The following LRP1B variants were observed in gnomAD, a reference collection of about 807,000 sequenced individuals.
The protein encoded by LRP1B is low-density lipoprotein receptor-related protein 1B.
Under a neutral mutation model 556.6 loss-of-function variants are expected in LRP1B, and 217 were observed. The observed-to-expected ratio is 0.39, with a 90% CI of 0.35 to 0.44. The LOEUF is 0.44. Among genes scored for constraint, LRP1B ranks in the 20% least tolerant of loss-of-function variants. The pLI, the probability that LRP1B is intolerant of heterozygous loss-of-function variation, is 1.00. For synonymous variants in LRP1B, 2,047 were observed against 1,865.8 expected, an observed-to-expected ratio of 1.10 and a Z score of -2.50; for missense variants, 5,053 against 5,620.8, an observed-to-expected ratio of 0.90 and a Z score of 3.23.
chr2:140,812,069 G>T lies in LRP1B; in HGVS notation c.5359+1588C>A, dbSNP rs993674607. Reference sequence around the variant, plus strand: ...AAATATATAAGTAAAAGGTATAGCAGAAGGACAGTAGTTTAGGAATAAGCT... The same window carrying T: ...AAATATATAAGTAAAAGGTATAGCATAAGGACAGTAGTTTAGGAATAAGCT... On this transcript the variant is annotated intron_variant, in intron 32 of 90. Transcript: ENST00000389484. 5.1e-4 allele frequency among the ~76,000 whole-genome samples: 77 copies of T among 152,084 alleles called. 4 individuals carry two copies. The highest frequency in any genetic ancestry group is 4.4e-5 in the Non-Finnish European group (3 of 67,962).
At chr2:141,455,951 T>C (rs1202724222) in intron 3 of LRP1B, among the ~76,000 whole-genome samples, 2 of 152,196 alleles carry the variant, frequency 1.3e-5, no homozygotes, top group East Asian at 1.9e-4. Context: ...TTACTGCCCA[T>C]GTGATAAGTG....
intron 18 of LRP1B, among the ~76,000 whole-genome samples, chr2:140,960,120 T>C (rs563382195): frequency 6.6e-6 from 1 of 151,908 alleles, no homozygotes; most frequent in African/African-American, 2.4e-5. Context: ...CTGTGGTTGA[T>C]GTCCATTTAT....
chr2:141,375,681 C>A (rs988147435), intron 3 of LRP1B, among the ~76,000 whole-genome samples: 3 of 152,252 alleles, frequency 2.0e-5, no homozygotes, highest in Middle Eastern at 3.4e-3. Flanking sequence ...AAGGGAACAA[C>A]CTAGCATTAA....
chr2:142,111,908 A>G (rs1707001005), intron 1 of LRP1B, among the ~76,000 whole-genome samples: 1 of 152,134 alleles, frequency 6.6e-6, no homozygotes, highest in Non-Finnish European at 1.5e-5. Context: ...CCCATTTTAT[A>G]GATAAGAAAA....
At chr2:142,117,378 T>A (rs1574705732) in intron 1 of LRP1B, among the ~76,000 whole-genome samples, 1 of 152,122 alleles carries the variant, frequency 6.6e-6, no homozygotes, top group African/African-American at 2.4e-5. Context: ...CGAACCCACA[T>A]CCTGCCATAA....
intron 7 of LRP1B, among the ~76,000 whole-genome samples, chr2:141,176,829 A>G (rs766173598): frequency 1.3e-5 from 2 of 152,148 alleles, no homozygotes; most frequent in Non-Finnish European, 2.9e-5. Flanking sequence ...AATTTGAGAT[A>G]TCTTTTAAAA....
intron 2 of LRP1B, among the ~76,000 whole-genome samples, chr2:141,792,821 T>A (rs989179738): frequency 6.6e-6 from 1 of 151,888 alleles, no homozygotes; most frequent in African/African-American, 2.4e-5. Context: ...TGTCATAATA[T>A]CAATGAAAAG....
intron 41 of LRP1B, among the ~76,000 whole-genome samples, chr2:140,695,778 C>T (rs1686409759): frequency 6.6e-6 from 1 of 152,056 alleles, no homozygotes; most frequent in Admixed American, 6.6e-5. Context: ...TGTGAACTTC[C>T]AAAGGGTAGA....
chr2:141,785,275 A>G (rs1410447490), intron 2 of LRP1B, among the ~76,000 whole-genome samples: 1 of 151,940 alleles, frequency 6.6e-6, no homozygotes, highest in East Asian at 1.9e-4. Context: ...GTTGTCAGCT[A>G]AGAGTCATCA....
chr2:141,499,792 T>G (rs996581782), intron 2 of LRP1B, among the ~76,000 whole-genome samples: 2 of 152,014 alleles, frequency 1.3e-5, no homozygotes, highest in Non-Finnish European at 2.9e-5. Flanking sequence ...ATAAAATATA[T>G]AGGATTTGTG....
intron 6 of LRP1B, among the ~76,000 whole-genome samples, chr2:141,190,169 A>T (rs1434566954): frequency 6.6e-6 from 1 of 151,742 alleles, no homozygotes; most frequent in Non-Finnish European, 1.5e-5. Context: ...CCTGAAACCC[A>T]CACCTTTATT....
intron 2 of LRP1B, among the ~76,000 whole-genome samples, chr2:141,551,765 G>A (rs1288179992): frequency 4.0e-5 from 6 of 151,880 alleles, no homozygotes; most frequent in Non-Finnish European, 7.4e-5. Context: ...ACAGTCCTGC[G>A]GAAGACACCA....
At chr2:142,084,060 A>G (rs1185271555) in intron 1 of LRP1B, among the ~76,000 whole-genome samples, 1 of 151,094 alleles carries the variant, frequency 6.6e-6, no homozygotes, top group Middle Eastern at 3.4e-3. Flanking sequence ...GCTCGCTGCA[A>G]CCTCCGCCTC....
intron 66 of LRP1B, among the ~76,000 whole-genome samples, chr2:140,410,485 A>G (rs1045135505): frequency 6.6e-5 from 10 of 152,022 alleles, no homozygotes; most frequent in Non-Finnish European, 1.3e-4. Context: ...CTTGCCTCCT[A>G]TAATAATGCT....
At chr2:140,556,899 T>G (rs556213155) in intron 43 of LRP1B, among the ~76,000 whole-genome samples, 1 of 152,210 alleles carries the variant, frequency 6.6e-6, no homozygotes, top group East Asian at 1.9e-4. Flanking sequence ...TTATCAAATG[T>G]ATATGTAATG....
chr2:141,929,624 TAA>T (rs1399533249), intron 1 of LRP1B, among the ~76,000 whole-genome samples: 1 of 152,072 alleles, frequency 6.6e-6, no homozygotes, highest in Non-Finnish European at 1.5e-5. Flanking sequence ...GTTAAAATTT[TAA>T]ACTTTCACTA....
intron 60 of LRP1B, among the ~76,000 whole-genome samples, chr2:140,468,593 G>A (rs1434487311): frequency 6.6e-6 from 1 of 152,210 alleles, no homozygotes; most frequent in African/African-American, 2.4e-5. Flanking sequence ...ACCTATGAGA[G>A]GTGGAAAATG....
At chr2:140,584,659 C>A (rs958838994) in intron 43 of LRP1B, among the ~76,000 whole-genome samples, 1 of 152,140 alleles carries the variant, frequency 6.6e-6, no homozygotes, top group African/African-American at 2.4e-5. Context: ...TGTAAGAACA[C>A]ATCTCTTTTC....
chr2:141,937,909 A>T (rs185596705), intron 1 of LRP1B, among the ~76,000 whole-genome samples: 3 of 152,158 alleles, frequency 2.0e-5, no homozygotes, highest in Non-Finnish European at 4.4e-5. Context: ...TTTTGCCTGT[A>T]GATAATCCAG....
Sources: allele counts gnomAD v4.1 joint callset (sites outside exome capture counted in the v4.1 genomes callset), GRCh38; gene constraint gnomAD v4.1.1; transcripts MANE v1.5; gene names NCBI Gene and HGNC (gene_info 2026-07-23, HGNC 2026-07-21).